The following ARHGEF28 variants were observed in gnomAD, a reference collection of about 807,000 sequenced individuals.
ARHGEF28 encodes the protein 190 kDa guanine nucleotide exchange factor.
A neutral mutation model predicts 206.6 loss-of-function variants in ARHGEF28; 152 were observed. The ratio of observed to expected loss-of-function variants is 0.74; its 90% CI spans 0.64 to 0.84. ARHGEF28 has a LOEUF of 0.84. ARHGEF28 is among the 40% of genes least tolerant of loss of function. The probability of loss-of-function intolerance (pLI) is 0.00; values close to 1 mark genes in which losing one functional copy is unlikely to be tolerated. For synonymous variants in ARHGEF28, 763 were observed against 776.4 expected, an observed-to-expected ratio of 0.98 and a Z score of 0.29; for missense variants, 2,028 against 2,073.2, an observed-to-expected ratio of 0.98 and a Z score of 0.42.
At chr5:73,642,645 C>G (rs1744191711) in intron 1 of ARHGEF28, among the ~76,000 whole-genome samples, 1 of 151,944 alleles carries the variant, frequency 6.6e-6, no homozygotes, top group Admixed American at 6.6e-5. Context: ...TCTTTATCGG[C>G]CTTGATTCCG....
chr5:73,756,548 A>G (rs1438767682), intron 4 of ARHGEF28, among the ~76,000 whole-genome samples: 1 of 152,136 alleles, frequency 6.6e-6, no homozygotes, highest in Non-Finnish European at 1.5e-5. Context: ...GAAGGTTATG[A>G]CCATCTTATG....
At chr5:73,904,719 G>T in intron 33 of ARHGEF28, 1 of 306,848 alleles carries the variant, frequency 3.3e-6, no homozygotes. Flanking sequence ...CACATTTTCT[G>T]ATGAAAACCT....
intron 4 of ARHGEF28, among the ~76,000 whole-genome samples, chr5:73,763,737 T>A (rs1752738142): frequency 6.6e-6 from 1 of 152,010 alleles, no homozygotes; most frequent in Admixed American, 6.6e-5. Context: ...GAAGCAACAT[T>A]AACAAATGAA....
chr5:73,766,166 A>C (rs988244652), intron 4 of ARHGEF28, among the ~76,000 whole-genome samples: 13 of 149,858 alleles, frequency 8.7e-5, no homozygotes, highest in Non-Finnish European at 1.8e-4. Flanking sequence ...AAAAAAAAAA[A>C]CAAAAAACAA....
intron 7 of ARHGEF28, among the ~76,000 whole-genome samples, chr5:73,782,371 G>A (rs770906242): frequency 1.3e-5 from 2 of 152,088 alleles, no homozygotes; most frequent in Non-Finnish European, 2.9e-5. Flanking sequence ...CCTGGGAGGC[G>A]AGGTTGCAGT....
At chr5:73,630,883 A>T (rs893177849) in intron 1 of ARHGEF28, among the ~76,000 whole-genome samples, 2 of 152,230 alleles carry the variant, frequency 1.3e-5, no homozygotes, top group Non-Finnish European at 2.9e-5. Flanking sequence ...ACTGTCTAAA[A>T]GGTTAGCATT....
intron 2 of ARHGEF28, among the ~76,000 whole-genome samples, chr5:73,700,758 T>C (rs1748550665): frequency 6.6e-6 from 1 of 152,168 alleles, no homozygotes; most frequent in Non-Finnish European, 1.5e-5. Flanking sequence ...TATGTATAAT[T>C]ACAATTTATT....
chr5:73,770,942 C>T (rs1048198670), intron 4 of ARHGEF28, among the ~76,000 whole-genome samples: 1 of 152,168 alleles, frequency 6.6e-6, no homozygotes, highest in Non-Finnish European at 1.5e-5. Context: ...GCTGGATTAG[C>T]AGAACAAGCT....
intron 22 of ARHGEF28, among the ~76,000 whole-genome samples, chr5:73,881,724 T>A (rs1014222125): frequency 6.6e-6 from 1 of 152,176 alleles, no homozygotes; most frequent in African/African-American, 2.4e-5. Flanking sequence ...CATCACAGTC[T>A]AAAAAAATGG....
At chr5:73,813,342 C>A in intron 9 of ARHGEF28, 1 of 290,852 alleles carries the variant, frequency 3.4e-6, no homozygotes, top group African/African-American at 2.3e-5. Flanking sequence ...AGCTCCCCCA[C>A]TTCTCCCTCC....
At chr5:73,694,104 C>A (rs1262913248) in intron 2 of ARHGEF28, among the ~76,000 whole-genome samples, 1 of 152,230 alleles carries the variant, frequency 6.6e-6, no homozygotes, top group Non-Finnish European at 1.5e-5. Context: ...AAACATTTTA[C>A]AAATCCTCCA....
rs553543010 is a variant in ARHGEF28, at chr5:73,803,770, A to T, written c.1024+8379A>T. ...AGTCTGTTGATTCTTCATAATATTT[A>T]AAATAACAGAAAATCAGAATAAAGA... On this transcript the variant is annotated intron_variant, in intron 9 of 35. Transcript: ENST00000513042. Among the ~76,000 whole-genome samples the T allele has an allele frequency of 2.0e-5, 3 of 152,242 alleles. No individual in the cohort carries two copies. In the South Asian group the frequency reaches 6.2e-4, roughly 32 times the overall value.
At position 73,776,628 on chromosome 5, in the gene ARHGEF28, G is replaced by A. The variant is rs770679817; in HGVS notation, c.772G>A (p.Glu258Lys). The A allele has an allele frequency of 9.3e-6, 15 of 1,613,720 alleles. No individual in the cohort carries two copies. Among genetic ancestry groups the A allele is most frequent in the African/African-American group, 5.3e-5 (4 of 74,902 alleles). The change falls in exon 6 of 36, where the codon GAG (glutamate) becomes AAG (lysine). Residue 258 changes from glutamate to lysine, a missense_variant. By Grantham distance (56) the Glu-to-Lys change is moderately conservative (BLOSUM62 1). Coordinates refer to ENST00000513042, the MANE Select transcript of ARHGEF28 (RefSeq NM_001177693.2). ...GACCCTGACCCTGAACCACACAGCC[G>A]AGCATTTGTTGGAGGCAGATATTAA... ...TLTLTLNHTA[E>K]HLLEADIKLF...
intron 12 of ARHGEF28, among the ~76,000 whole-genome samples, chr5:73,846,796 C>T (rs17553127): frequency 2.6e-4 from 39 of 151,968 alleles, no homozygotes; most frequent in Admixed American, 2.1e-3. Context: ...GGAGAAAAAC[C>T]GATAGTATTA....
chr5:73,735,538 T>G (rs1158877590), intron 2 of ARHGEF28, among the ~76,000 whole-genome samples: 1 of 152,160 alleles, frequency 6.6e-6, no homozygotes, highest in Non-Finnish European at 1.5e-5. Context: ...TTCTAATCTC[T>G]AGGTTATTTT....
chr5:73,668,401 A>G (rs10805882), intron 1 of ARHGEF28, among the ~76,000 whole-genome samples: 112,205 of 152,142 alleles, frequency 0.74, 41,455 homozygotes, highest in East Asian at 0.82. Context: ...ACACTATCCC[A>G]TGGTGGAAGT....
intron 1 of ARHGEF28, among the ~76,000 whole-genome samples, 195 bp downstream of exon 1, chr5:73,626,517 G>A (rs1182869489): frequency 6.6e-6 from 1 of 152,078 alleles, no homozygotes; most frequent in Non-Finnish European, 1.5e-5. Flanking sequence ...TCCCTCGGGA[G>A]CGGCAACAAG....
chr5:73,784,720 A>C (rs571889600), intron 7 of ARHGEF28, among the ~76,000 whole-genome samples: 1 of 152,196 alleles, frequency 6.6e-6, no homozygotes, highest in African/African-American at 2.4e-5. Flanking sequence ...ACTGAACCTT[A>C]TATATACTAT....
intron 2 of ARHGEF28, among the ~76,000 whole-genome samples, chr5:73,706,874 A>G (rs1045842674): frequency 2.6e-5 from 4 of 152,156 alleles, no homozygotes; most frequent in African/African-American, 4.8e-5. Context: ...ATCAGCAAAT[A>G]TGATTATCTG....
Sources: allele counts gnomAD v4.1 joint callset (sites outside exome capture counted in the v4.1 genomes callset), GRCh38; gene constraint gnomAD v4.1.1; transcripts MANE v1.5; gene names NCBI Gene and HGNC (gene_info 2026-07-23, HGNC 2026-07-21).